IQCH: variants seen among roughly 807,000 people sequenced by gnomAD.
The protein encoded by IQCH is IQ motif containing H, also known as IQ domain-containing protein H.
Under a neutral mutation model 117.0 loss-of-function variants are expected in IQCH, and 98 were observed. The ratio of observed to expected loss-of-function variants is 0.84; its 90% CI spans 0.71 to 0.99. The LOEUF (loss-of-function observed/expected upper bound fraction) is 0.99. Ranked by LOEUF, IQCH falls within the 50% of genes least tolerant of loss-of-function variation. The probability of loss-of-function intolerance (pLI) is 0.00; values close to 1 mark genes in which losing one functional copy is unlikely to be tolerated. For missense variants in IQCH, 1,102 were observed against 1,243.8 expected (o/e 0.89, Z 1.72); for synonymous variants, 412 against 448.2 (o/e 0.92, Z 1.02).
chr15:67,331,201 TGGAAG>T (rs1383911394), intron 4 of IQCH, among the ~76,000 whole-genome samples: 1 of 151,950 alleles, frequency 6.6e-6, no homozygotes, highest in African/African-American at 2.4e-5. Flanking sequence ...GGAGGGGAAA[TGGAAG>T]GGAGAATTAG....
chr15:67,324,110 A>T (rs1477147984), intron 4 of IQCH, among the ~76,000 whole-genome samples: 1 of 151,144 alleles, frequency 6.6e-6, no homozygotes, highest in Non-Finnish European at 1.5e-5. Flanking sequence ...GGCCTGGCTA[A>T]TTTTTGTATT....
At chr15:67,301,414 T>TG (rs1410266452) in intron 4 of IQCH, among the ~76,000 whole-genome samples, 1 of 122,870 alleles carries the variant, frequency 8.1e-6, no homozygotes, top group African/African-American at 2.9e-5. Context: ...TTTTTTTTTT[T>TG]TTTTTTTTTT....
rs1020143143 is a variant in IQCH at position 67,494,242 on chromosome 15, T to C, written c.2862-16T>C. ...GGAATCGTTGGTAAACTCATTTGTT[T>C]GGATATCATTAACAGAACAATCGGC... is the stretch of plus-strand genomic sequence containing the variant. On this transcript the variant is annotated splice_polypyrimidine_tract_variant and intron_variant, in intron 19 of 20. Transcript: ENST00000335894. This position sits in a 1 kb window ranked among gnomAD's most constrained non-coding sequence, Gnocchi z 5.5. 1.3e-6 allele frequency: 2 copies of C among 1,583,446 alleles called. No homozygotes were observed. Among genetic ancestry groups the C allele is most frequent in the Admixed American group, 1.8e-5 (1 of 55,188 alleles).
intron 8 of IQCH, among the ~76,000 whole-genome samples, chr15:67,371,740 A>T (rs914358525): frequency 6.6e-6 from 1 of 152,230 alleles, no homozygotes; most frequent in African/African-American, 2.4e-5. Flanking sequence ...TGATCAAGGA[A>T]TCAGCAACAT....
At chr15:67,485,952 C>T (rs960395674) in intron 18 of IQCH, among the ~76,000 whole-genome samples, 9 of 145,710 alleles carry the variant, frequency 6.2e-5, no homozygotes, top group African/African-American at 1.8e-4. Flanking sequence ...CCACTGCGCC[C>T]GACCAAGAAA....
intron 4 of IQCH, among the ~76,000 whole-genome samples, chr15:67,329,060 A>C (rs2140631304): frequency 6.6e-6 from 1 of 152,290 alleles, no homozygotes; most frequent in East Asian, 1.9e-4. Flanking sequence ...GCACTTTGGA[A>C]GGCTGAGATG....
chr15:67,352,088 C>T (rs1969686903), intron 6 of IQCH, among the ~76,000 whole-genome samples: 1 of 152,008 alleles, frequency 6.6e-6, no homozygotes, highest in Non-Finnish European at 1.5e-5. Context: ...TATTTTTCCT[C>T]ATTATACTTT....
Position 67,372,512 on chromosome 15 carries a change from A to G in IQCH, c.1155A>G (p.Ala385=), listed in dbSNP as rs1970579149. 1.9e-6 allele frequency: 3 copies of G among 1,613,994 alleles called. No homozygotes were observed. Among genetic ancestry groups the G allele is most frequent in the Middle Eastern group, 1.6e-4 (1 of 6,082 alleles). The change falls in exon 9 of 21, where the codon GCA becomes GCG. Residue 385 remains alanine, a synonymous_variant. Transcript: ENST00000335894. ...AAGCCACATGGAAATGCTACAAAGC[A>G]AGAAAATTCTTCCTCTTTTATCGCC... ...KIQATWKCYK[A]RKFFLFYRQQ...
chr15:67,379,973 C>G (rs1369477220), intron 10 of IQCH, among the ~76,000 whole-genome samples: 1 of 152,180 alleles, frequency 6.6e-6, no homozygotes, highest in African/African-American at 2.4e-5. Context: ...CTGCCTCAGC[C>G]TCCCAAGTAG....
chr15:67,320,925 C>G (rs1968088544), intron 4 of IQCH, among the ~76,000 whole-genome samples: 1 of 152,148 alleles, frequency 6.6e-6, no homozygotes, highest in African/African-American at 2.4e-5. Context: ...CACTAACACG[C>G]TGATGTGCCT....
Position 67,431,853 on chromosome 15 carries a change from A to G in IQCH, c.2505+10276A>G, listed in dbSNP as rs1258204547. On this transcript the variant is annotated intron_variant, in intron 16 of 20. Transcript: ENST00000335894. This position sits in a 1 kb window ranked among gnomAD's most constrained non-coding sequence, Gnocchi z 4.8. ...GAAAAAAAGTTCTTTTAGCCTGGGC[A>G]TCAAGACTCATCTCTAAAATTAAAA... 6.6e-6 allele frequency among the ~76,000 whole-genome samples: 1 copy of G among 152,122 alleles called. No homozygotes were observed. Among genetic ancestry groups the G allele is most frequent in the Non-Finnish European group, 1.5e-5 (1 of 68,024 alleles).
Position 67,414,085 on chromosome 15 carries a change from C to T in IQCH, c.2098-2846C>T, listed in dbSNP as rs115824164. On this transcript the variant is annotated intron_variant, in intron 14 of 20. Transcript: ENST00000335894. ...GATGCCCTTCAGAGGCAGGGAATCC[C>T]ATAAAGTCCGCCCAGGAAGAATTTG... Among the ~76,000 whole-genome samples the T allele has an allele frequency of 5.3e-3, 806 of 152,304 alleles. 11 individuals are homozygous for T. Among genetic ancestry groups the T allele is most frequent in the African/African-American group, 0.018 (756 of 41,576 alleles).
Position 67,433,880 on chromosome 15 carries a change from G to A in IQCH, c.2505+12303G>A, listed in dbSNP as rs374795027. Among the ~76,000 whole-genome samples the A allele has an allele frequency of 3.3e-5, 5 of 152,148 alleles. No individual in the cohort carries two copies. The highest frequency in any genetic ancestry group is 3.8e-4 in the East Asian group (2 of 5,202). ...TTGTTTCTAGTTCCAGCTGTCACCT[G>A]TGGTCAAGACTTTTTATGTGATAAA... On this transcript the variant is annotated intron_variant, in intron 16 of 20. Coordinates refer to ENST00000335894, the MANE Select transcript of IQCH (RefSeq NM_001031715.3). This position sits in a 1 kb window ranked among gnomAD's most constrained non-coding sequence, Gnocchi z 5.4.
At chr15:67,280,039 G>A (rs1966288983) in intron 4 of IQCH, among the ~76,000 whole-genome samples, 1 of 152,020 alleles carries the variant, frequency 6.6e-6, no homozygotes, top group African/African-American at 2.4e-5. Flanking sequence ...TGAATTTTAT[G>A]GTATATTAAT....
chr15:67,380,673 C>T (rs1322581846), intron 10 of IQCH, among the ~76,000 whole-genome samples: 1 of 152,188 alleles, frequency 6.6e-6, no homozygotes, highest in East Asian at 1.9e-4. Context: ...TGGAGCAATT[C>T]CAGATTATCT....
At chr15:67,441,400 T>C (rs1275159045) in intron 16 of IQCH, among the ~76,000 whole-genome samples, 2 of 152,114 alleles carry the variant, frequency 1.3e-5, no homozygotes, top group Admixed American at 6.5e-5. Context: ...AAAATTCATA[T>C]GGAACCAAAA....
chr15:67,455,622 C>T (rs1046520010), intron 16 of IQCH, among the ~76,000 whole-genome samples: 1 of 152,154 alleles, frequency 6.6e-6, no homozygotes, highest in South Asian at 2.1e-4. Flanking sequence ...TTGCTTTGCA[C>T]GATGGTCATC....
rs1236709716 is a variant in IQCH, at chr15:67,395,073, T to C, written c.1633-218T>C. Among the ~76,000 whole-genome samples, 2 of 152,168 alleles carry C rather than the reference T, an allele frequency of 1.3e-5. No individual in the cohort carries two copies. The highest frequency in any genetic ancestry group is 2.9e-5 in the Non-Finnish European group (2 of 68,024). ...ATAAATACAGACGTGTAGTAATTAGTTCTATTCCCAGTGAGCCTATTTCCA... is the reference window on the plus strand; with the variant it reads ...ATAAATACAGACGTGTAGTAATTAGCTCTATTCCCAGTGAGCCTATTTCCA... On this transcript the variant is annotated intron_variant, in intron 12 of 20. Coordinates refer to ENST00000335894, the MANE Select transcript of IQCH (RefSeq NM_001031715.3). This position sits in a 1 kb window ranked among gnomAD's most constrained non-coding sequence, Gnocchi z 4.0.
intron 16 of IQCH, among the ~76,000 whole-genome samples, chr15:67,428,847 C>CA (rs541782495): frequency 0.23 from 18,272 of 80,988 alleles, 1,307 homozygotes; most frequent in East Asian, 0.27. Context: ...GACTCTGTCT[C>CA]AAAAAAAAAA....
Sources: gnomAD v4.1 joint callset for allele counts (sites outside exome capture counted in the v4.1 genomes callset) on GRCh38, gnomAD v4.1.1 for gene constraint, Gnocchi (gnomAD v3.1) non-coding constraint, MANE v1.5 for transcripts, NCBI Gene and HGNC (gene_info 2026-07-23, HGNC 2026-07-21) for gene names.